The following LPO variants were observed in gnomAD, a reference collection of about 807,000 sequenced individuals.
The protein encoded by LPO is lactoperoxidase, also known as salivary peroxidase.
In LPO, 70 loss-of-function variants were observed where a neutral mutation model predicts 68.4. The observed-to-expected ratio is 1.02, with a 90% CI of 0.84 to 1.25. LPO has a LOEUF of 1.25. Ranked by LOEUF, LPO falls within the 50% of genes most tolerant of loss-of-function variation. The probability of loss-of-function intolerance (pLI) is 0.00; values close to 1 mark genes in which losing one functional copy is unlikely to be tolerated. For synonymous variants in LPO, 360 were observed against 357.6 expected (o/e 1.01, Z -0.08); for missense variants, 873 against 908.4 (o/e 0.96, Z 0.50).
chr17:58,261,725 C>T (rs1970178676), intron 9 of LPO, among the ~76,000 whole-genome samples: 1 of 151,928 alleles, frequency 6.6e-6, no homozygotes, highest in Admixed American at 6.6e-5. Context: ...GTTTTTCTTG[C>T]CTTCCTGTGG....
At chr17:58,249,481 A>G in intron 5 of LPO, 85 bp from the exon 6 acceptor site, 1 of 1,520,536 alleles carries the variant, frequency 6.6e-7, no homozygotes, top group Non-Finnish European at 8.7e-7. Context: ...CGCCTCGAGC[A>G]GAGGCTCCTT....
At chr17:58,250,714 A>T in intron 7 of LPO, 93 bp downstream of exon 7, 1 of 1,299,354 alleles carries the variant, frequency 7.7e-7, no homozygotes, top group East Asian at 2.4e-5. Flanking sequence ...CTCTGGATAG[A>T]TCTGGGATAC....
chr17:58,263,477 G>A (rs982280704), intron 9 of LPO, among the ~76,000 whole-genome samples: 1 of 152,250 alleles, frequency 6.6e-6, no homozygotes, highest in Non-Finnish European at 1.5e-5. Context: ...AGTGGCTCAC[G>A]CCTGTAATTC....
At chr17:58,253,722 T>C (rs1970007428) in intron 8 of LPO, among the ~76,000 whole-genome samples, 1 of 152,252 alleles carries the variant, frequency 6.6e-6, no homozygotes, top group African/African-American at 2.4e-5. Context: ...TTGGATTTTG[T>C]GTTCACATAT....
At chr17:58,252,044 G>T in intron 7 of LPO, 138 bp from the exon 8 acceptor site, 1 of 783,266 alleles carries the variant, frequency 1.3e-6, no homozygotes. Flanking sequence ...AGCAAGAAGT[G>T]TCTGGGGTCA....
intron 7 of LPO, chr17:58,251,675 A>G (rs1317866281): frequency 1.1e-5 from 4 of 354,884 alleles, no homozygotes; most frequent in African/African-American, 2.1e-5. Flanking sequence ...TTTCCCTTCC[A>G]GTGTATAAGT....
intron 7 of LPO, 166 bp downstream of exon 7, chr17:58,250,787 T>C: frequency 2.9e-6 from 2 of 691,862 alleles, no homozygotes; most frequent in Middle Eastern, 4.0e-4. Flanking sequence ...ATTCAGTAAA[T>C]AGACATTGAC....
chr17:58,254,533 C>CT (rs1381822102), intron 8 of LPO: 3 of 292,802 alleles, frequency 1.0e-5, no homozygotes, highest in Non-Finnish European at 1.9e-5. Flanking sequence ...CTGTGATAGG[C>CT]TTTATTCTCA....
chr17:58,249,247 C>T (rs1969910463), intron 5 of LPO, 70 bp downstream of exon 5: 3 of 1,405,100 alleles, frequency 2.1e-6, no homozygotes, highest in Non-Finnish European at 3.0e-6. Flanking sequence ...GGCCTTTGTC[C>T]CTTGGGCACT....
At chr17:58,252,849 C>T (rs1016012163) in intron 8 of LPO, among the ~76,000 whole-genome samples, 7 of 151,564 alleles carry the variant, frequency 4.6e-5, no homozygotes, top group Non-Finnish European at 1.0e-4. Context: ...TGGTGAAACC[C>T]CGTCTCTTCT....
At chr17:58,261,128 C>T (rs1970167694) in intron 9 of LPO, among the ~76,000 whole-genome samples, 1 of 152,164 alleles carries the variant, frequency 6.6e-6, no homozygotes, top group East Asian at 1.9e-4. Flanking sequence ...CTGTAAATGT[C>T]AGTTGGATCT....
rs1291769707 is a variant in LPO at position 58,247,615 on chromosome 17, A to T, written c.302A>T (p.Lys101Met). The T allele has an allele frequency of 1.2e-6, 2 of 1,614,046 alleles. No individual in the cohort carries two copies. The highest frequency in any genetic ancestry group is 3.3e-5 in the Admixed American group (2 of 60,000). The change falls in exon 4 of 13, where the codon AAG becomes ATG. Residue 101 changes from lysine (K) to methionine (M), a missense_variant. By Grantham distance (95) the Lys-to-Met change is moderately conservative. Transcript: ENST00000262290. The stretch of plus-strand genomic sequence containing the variant: ...GAGTCTTTAAAGAGACTGAGGCAGA[A>T]GGCATCCTTGACCAATGTCACAGGT... ...WEESLKRLRQ[K>M]ASLTNVTDPS...
At chr17:58,244,824 A>G (rs1433619252) in intron 3 of LPO, among the ~76,000 whole-genome samples, 4 of 152,200 alleles carry the variant, frequency 2.6e-5, no homozygotes, top group Non-Finnish European at 5.9e-5. Context: ...TAGCAGATGC[A>G]CCCATGGCAG....
intron 1 of LPO, among the ~76,000 whole-genome samples, chr17:58,241,213 G>A (rs1969753427): frequency 6.7e-6 from 1 of 148,972 alleles, no homozygotes; most frequent in Non-Finnish European, 1.5e-5. Context: ...CAGGTTCAAG[G>A]GATTCTCCTG....
chr17:58,249,632 C>A lies in LPO; in HGVS notation c.510C>A (p.Asp170Glu). 6.2e-7 allele frequency: 1 copy of A among 1,601,262 alleles called. No individual in the cohort carries two copies. ...LARWLPAEYEDGLSLPFGWTP... is the reference protein window; with the variant it reads ...LARWLPAEYEEGLSLPFGWTP... ...GCTGGCTGCCCGCGGAGTACGAGGA[C>A]GGGCTCTCCCTGCCCTTCGGCTGGA... is the stretch of plus-strand genomic sequence containing the variant. The change falls in exon 6 of 13, where the codon GAC becomes GAA. Residue 170 changes from aspartate (D) to glutamate (E), a missense_variant. Physicochemically the swap from Asp to Glu is conservative, Grantham distance 45. Transcript: ENST00000262290.
At chr17:58,264,637 C>G in intron 9 of LPO, 85 bp from the exon 10 acceptor site, 4 of 1,464,046 alleles carry the variant, frequency 2.7e-6, no homozygotes, top group Non-Finnish European at 3.8e-6. Flanking sequence ...GCTCATCACT[C>G]TTGGCTGCAG....
chr17:58,262,309 C>T (rs1012614609), intron 9 of LPO, among the ~76,000 whole-genome samples: 1 of 152,144 alleles, frequency 6.6e-6, no homozygotes, highest in Non-Finnish European at 1.5e-5. Context: ...TCTTGTCTTT[C>T]GGCACATGAA....
intron 3 of LPO, among the ~76,000 whole-genome samples, chr17:58,247,058 C>T (rs1277259014): frequency 6.6e-6 from 1 of 152,130 alleles, no homozygotes; most frequent in African/African-American, 2.4e-5. Context: ...TTGTGATTTC[C>T]AGTTCATAAA....
chr17:58,246,440 G>A (rs981083944), intron 3 of LPO, among the ~76,000 whole-genome samples: 1 of 152,162 alleles, frequency 6.6e-6, no homozygotes, highest in Non-Finnish European at 1.5e-5. Flanking sequence ...GGCTAGGACC[G>A]CGGTGGAGAC....
Sources: allele counts gnomAD v4.1 joint callset (sites outside exome capture counted in the v4.1 genomes callset), GRCh38; gene constraint gnomAD v4.1.1; transcripts MANE v1.5; gene names NCBI Gene and HGNC (gene_info 2026-07-23, HGNC 2026-07-21).